The following ADD3 variants were observed in gnomAD, a reference collection of about 807,000 sequenced individuals.
The protein encoded by ADD3 is gamma-adducin.
In ADD3, 25 loss-of-function variants were observed where a neutral mutation model predicts 80.2. That is an observed-to-expected ratio of 0.31 (90% CI 0.23 to 0.44). The LOEUF (loss-of-function observed/expected upper bound fraction) is 0.44. ADD3 is among the 20% of genes least tolerant of loss of function. ADD3 has a pLI of 1.00. For synonymous variants in ADD3, 284 were observed against 289.6 expected, an observed-to-expected ratio of 0.98 and a Z score of 0.20; for missense variants, 829 against 847.5, an observed-to-expected ratio of 0.98 and a Z score of 0.27.
Position 110,124,139 on chromosome 10 carries a change from C to G in ADD3, c.1266C>G (p.Leu422=), listed in dbSNP as rs1425861340. ...CCTTTGAAGACGATACAGTGCCACT[C>G]TCTCCTCTCAAATACATGGCACAGA... ...AFSFEDDTVP[L]SPLKYMAQRQ... The change falls in exon 10 of 15, where the codon CTC becomes CTG. Residue 422 remains leucine (L), a synonymous_variant. Transcript: ENST00000356080. 1 of 1,614,158 alleles carries G rather than the reference C, an allele frequency of 6.2e-7. No individual in the cohort carries two copies. Among genetic ancestry groups the G allele is most frequent in the Non-Finnish European group, 8.5e-7 (1 of 1,180,006 alleles).
At chr10:110,007,591 G>A (rs947554703), upstream of ADD3, among the ~76,000 whole-genome samples, 7 of 152,290 alleles carry the variant, frequency 4.6e-5, no homozygotes, top group East Asian at 1.2e-3. Flanking sequence ...CGGGGACGCC[G>A]CGGATTCGAG....
At chr10:110,126,216 C>T (rs574500828) in intron 11 of ADD3, among the ~76,000 whole-genome samples, 20 of 152,066 alleles carry the variant, frequency 1.3e-4, no homozygotes, top group Admixed American at 2.0e-4. Context: ...CAACCTAAGA[C>T]GAAAGGAAAT....
intron 14 of ADD3, chr10:110,132,800 G>T: frequency 6.1e-6 from 1 of 164,984 alleles, no homozygotes. Context: ...GGTGGCGGGC[G>T]CCTGTAGTCC....
At position 110,133,731 on chromosome 10, in the gene ADD3, C is replaced by A. The variant is rs908230838; in HGVS notation, c.*113C>A. On this transcript the variant is annotated 3_prime_UTR_variant, in exon 15 of 15. Transcript: ENST00000356080. ...AGATCAGATTGGGGGATGTAGCAAA[C>A]TGGACTTTAAGAACTGGAAAGAGGT... The A allele has an allele frequency of 9.1e-6, 8 of 879,144 alleles. No individual in the cohort carries two copies. Among genetic ancestry groups the A allele is most frequent in the South Asian group, 2.7e-5 (1 of 36,516 alleles). 54.5% of individuals were successfully genotyped at this position (879,144 alleles called of 1,614,324 possible). A position where few individuals can be genotyped will look rare whatever the true frequency, so the allele number is the denominator to read the frequency against.
chr10:110,066,517 G>A (rs1365436469), intron 1 of ADD3, among the ~76,000 whole-genome samples: 1 of 152,166 alleles, frequency 6.6e-6, no homozygotes. Flanking sequence ...ACAGGTGTGA[G>A]CCACCGTGCC....
intron 1 of ADD3, among the ~76,000 whole-genome samples, chr10:110,064,149 G>T (rs1048517513): frequency 1.3e-5 from 2 of 151,846 alleles, no homozygotes; most frequent in Admixed American, 6.6e-5. Flanking sequence ...TTAGATAATG[G>T]TCATTCAGAT....
intron 2 of ADD3, among the ~76,000 whole-genome samples, chr10:110,108,574 A>C (rs1321838509): frequency 6.6e-6 from 1 of 152,144 alleles, no homozygotes; most frequent in African/African-American, 2.4e-5. Flanking sequence ...AAGATAAATA[A>C]AATTTTTATC....
chr10:110,119,748 A>G, intron 8 of ADD3, 184 bp downstream of exon 8: 2 of 538,650 alleles, frequency 3.7e-6, no homozygotes, highest in Non-Finnish European at 6.5e-6. Context: ...GGAGTAAAGG[A>G]AATTAAAATT....
At chr10:110,035,797 G>A (rs1125793) in intron 1 of ADD3, among the ~76,000 whole-genome samples, 150,258 of 152,220 alleles carry the variant, frequency 0.99, 74,186 homozygotes, top group East Asian at 1. Flanking sequence ...GTTTTTTTAG[G>A]CTAAGAATTG....
chr10:110,040,726 T>C (rs1428380549), intron 1 of ADD3, among the ~76,000 whole-genome samples: 1 of 152,154 alleles, frequency 6.6e-6, no homozygotes, highest in Non-Finnish European at 1.5e-5. Context: ...GTAAAGAGAT[T>C]ACTAAAGTAT....
intron 1 of ADD3, among the ~76,000 whole-genome samples, chr10:110,011,544 G>T (rs1162888049): frequency 6.6e-6 from 1 of 152,134 alleles, no homozygotes; most frequent in African/African-American, 2.4e-5. Context: ...GAAGACACAG[G>T]TTACTAATCT....
At chr10:110,076,746 TTGG>T (rs1459081325) in intron 1 of ADD3, among the ~76,000 whole-genome samples, 1 of 152,226 alleles carries the variant, frequency 6.6e-6, no homozygotes, top group African/African-American at 2.4e-5. Context: ...TAACATTCTG[TTGG>T]TTGAACTGTG....
chr10:110,095,263 G>A (rs74154977), intron 1 of ADD3, among the ~76,000 whole-genome samples: 1,622 of 152,268 alleles, frequency 0.011, 32 homozygotes, highest in African/African-American at 0.038. Flanking sequence ...GCCATATAAA[G>A]TATACAATTC....
intron 1 of ADD3, among the ~76,000 whole-genome samples, chr10:110,081,996 G>A (rs1293496266): frequency 6.6e-6 from 1 of 152,204 alleles, no homozygotes; most frequent in East Asian, 1.9e-4. Flanking sequence ...AACGAGAGAA[G>A]GGGAAGTCTC....
intron 2 of ADD3, among the ~76,000 whole-genome samples, chr10:110,109,143 CCTTT>C (rs886382132): frequency 3.9e-5 from 6 of 152,156 alleles, no homozygotes; most frequent in Admixed American, 1.3e-4. Context: ...AGGTTTTCAA[CCTTT>C]CTTTAACTTT....
At chr10:110,053,021 A>C (rs927236014) in intron 1 of ADD3, among the ~76,000 whole-genome samples, 6 of 152,230 alleles carry the variant, frequency 3.9e-5, no homozygotes, top group African/African-American at 1.2e-4. Context: ...CAAACAAACA[A>C]ACACATGGGA....
chr10:110,016,184 A>G (rs1325194006), intron 1 of ADD3, among the ~76,000 whole-genome samples: 1 of 152,170 alleles, frequency 6.6e-6, no homozygotes, highest in Non-Finnish European at 1.5e-5. Flanking sequence ...TTGGGCTCAA[A>G]GGGAAGAGTG....
chr10:110,075,888 A>G (rs997493999), intron 1 of ADD3, among the ~76,000 whole-genome samples: 3 of 152,200 alleles, frequency 2.0e-5, no homozygotes, highest in African/African-American at 7.2e-5. Context: ...CAACAAAGGC[A>G]AGATCAATCA....
intron 3 of ADD3, among the ~76,000 whole-genome samples, chr10:110,115,986 C>A (rs1850687861): frequency 6.6e-6 from 1 of 152,098 alleles, no homozygotes; most frequent in Non-Finnish European, 1.5e-5. Context: ...CCATTTTTCC[C>A]CAGTGGTGTG....
Sources: allele counts gnomAD v4.1 joint callset (sites outside exome capture counted in the v4.1 genomes callset), GRCh38; gene constraint gnomAD v4.1.1; transcripts MANE v1.5; gene names NCBI Gene and HGNC (gene_info 2026-07-23, HGNC 2026-07-21).